SLC7A14: variants seen among roughly 807,000 people sequenced by gnomAD.
SLC7A14 encodes solute carrier family 7 member 14.
A neutral mutation model predicts 60.2 loss-of-function variants in SLC7A14; 37 were observed. The observed-to-expected ratio is 0.61, with a 90% CI of 0.47 to 0.81. The LOEUF is 0.81. SLC7A14 is among the 30% of genes least tolerant of loss of function. The pLI, the probability that SLC7A14 is intolerant of heterozygous loss-of-function variation, is 0.00. For missense variants in SLC7A14, 886 were observed against 982.7 expected (o/e 0.90, Z 1.32); for synonymous variants, 399 against 395.8 (o/e 1.01, Z -0.10).
chr3:170,572,519 C>A (rs2108315799), intron 1 of SLC7A14, among the ~76,000 whole-genome samples: 1 of 152,256 alleles, frequency 6.6e-6, no homozygotes, highest in African/African-American at 2.4e-5. Flanking sequence ...ATATTGGAAT[C>A]ATATGTGTAA....
intron 7 of SLC7A14, among the ~76,000 whole-genome samples, chr3:170,471,779 A>G (rs1739917757): frequency 6.6e-6 from 1 of 152,228 alleles, no homozygotes; most frequent in East Asian, 1.9e-4. Context: ...ACCAAGCCTC[A>G]AGAATAAGAT....
At chr3:170,558,282 C>A (rs941602741) in intron 1 of SLC7A14, among the ~76,000 whole-genome samples, 2 of 152,100 alleles carry the variant, frequency 1.3e-5, no homozygotes, top group Non-Finnish European at 2.9e-5. Flanking sequence ...ACAGGAGAAT[C>A]GCTTGAACCC....
chr3:170,579,040 C>G (rs902762465), intron 1 of SLC7A14, among the ~76,000 whole-genome samples: 11 of 152,300 alleles, frequency 7.2e-5, no homozygotes, highest in Admixed American at 5.2e-4. Context: ...AATCTGAAAT[C>G]CAAACACATA....
In SLC7A14 at chr3:170,463,762, C is replaced by T. The variant is rs1227074225; in HGVS notation, c.*3293G>A. ...TCTGCCATAGTACATAATAGGCACT[C>T]CACAAGTAATTGTTGAATAAATATT... On this transcript the variant is annotated 3_prime_UTR_variant, in exon 8 of 8. Transcript: ENST00000231706. 1.3e-5 allele frequency: 2 copies of T among 152,212 alleles called. No individual in the cohort carries two copies. The highest frequency in any genetic ancestry group is 4.8e-5 in the African/African-American group (2 of 41,458). 9.4% of individuals were successfully genotyped at this position (152,212 alleles called of 1,614,324 possible).
At chr3:170,551,912 T>A (rs1472767356) in intron 1 of SLC7A14, among the ~76,000 whole-genome samples, 2 of 152,218 alleles carry the variant, frequency 1.3e-5, no homozygotes, top group African/African-American at 2.4e-5. Flanking sequence ...TTTTTGGATT[T>A]GAAGTAGTCT....
chr3:170,581,299 C>A (rs1715226423), intron 1 of SLC7A14, among the ~76,000 whole-genome samples: 2 of 152,170 alleles, frequency 1.3e-5, no homozygotes, highest in South Asian at 4.1e-4. Context: ...CACCCCCTCA[C>A]ACTGAGGAAT....
chr3:170,459,916 CT>C lies in SLC7A14; in HGVS notation c.*7138del, dbSNP rs1373729674. On this transcript the variant is annotated 3_prime_UTR_variant, in exon 8 of 8. Coordinates refer to ENST00000231706, the MANE Select transcript of SLC7A14 (RefSeq NM_020949.3). Reference sequence around the variant, plus strand: ...TTAAATTTAAAGGCACACAATAAAGCTTTATGCATTTATTAAAATATACACA... The same window carrying C: ...TTAAATTTAAAGGCACACAATAAAGCTTATGCATTTATTAAAATATACACA... The C allele has an allele frequency of 2.0e-5, 3 of 152,098 alleles. No homozygotes were observed. Among genetic ancestry groups the C allele is most frequent in the Non-Finnish European group, 4.4e-5 (3 of 68,022 alleles). 9.4% of individuals were successfully genotyped at this position (152,098 alleles called of 1,614,324 possible). A position where few individuals can be genotyped will look rare whatever the true frequency, so the allele number is the denominator to read the frequency against.
chr3:170,480,151 G>A, intron 7 of SLC7A14, 138 bp downstream of exon 7: 1 of 784,154 alleles, frequency 1.3e-6, no homozygotes, highest in Admixed American at 3.2e-5. Flanking sequence ...TGACTCTTAG[G>A]CGGAACACAA....
intron 1 of SLC7A14, among the ~76,000 whole-genome samples, chr3:170,579,040 C>T (rs902762465): frequency 3.3e-5 from 5 of 152,182 alleles, no homozygotes; most frequent in Admixed American, 2.6e-4. Context: ...AATCTGAAAT[C>T]CAAACACATA....
chr3:170,552,938 A>G (rs1285878771), intron 1 of SLC7A14, among the ~76,000 whole-genome samples: 1 of 152,174 alleles, frequency 6.6e-6, no homozygotes, highest in East Asian at 1.9e-4. Flanking sequence ...GAGATTATTG[A>G]TCTCCACATG....
intron 5 of SLC7A14, among the ~76,000 whole-genome samples, chr3:170,484,255 C>T (rs530778350): frequency 5.3e-5 from 8 of 152,270 alleles, no homozygotes; most frequent in Admixed American, 2.6e-4. Context: ...GAGGGAGATG[C>T]GAGGGAGGAG....
At chr3:170,544,372 C>T (rs1292711581) in intron 1 of SLC7A14, among the ~76,000 whole-genome samples, 2 of 152,122 alleles carry the variant, frequency 1.3e-5, no homozygotes, top group African/African-American at 2.4e-5. Context: ...AAGAGAAGAG[C>T]CTCTTTTTGG....
Position 170,461,588 on chromosome 3 carries a change from A to T in SLC7A14, c.*5467T>A, listed in dbSNP as rs1739604487. On this transcript the variant is annotated 3_prime_UTR_variant, in exon 8 of 8. Transcript: ENST00000231706. ...CTACCCATCCCCATTCCCAGCGAGA[A>T]ATACTAAGTAAACTCCTTGGTGAAA... 1 of 152,266 alleles carries T rather than the reference A, an allele frequency of 6.6e-6. No homozygotes were observed. The highest frequency in any genetic ancestry group is 2.4e-5 in the African/African-American group (1 of 41,470). The allele number at this position is 152,266 out of a possible 1,614,324, so 9.4% of individuals were successfully genotyped here. A position where few individuals can be genotyped will look rare whatever the true frequency, so the allele number is the denominator to read the frequency against.
chr3:170,547,282 C>T (rs1714208755), intron 1 of SLC7A14, among the ~76,000 whole-genome samples: 1 of 152,048 alleles, frequency 6.6e-6, no homozygotes, highest in Admixed American at 6.5e-5. Context: ...CTCCTATAAA[C>T]AAAAAATATA....
intron 2 of SLC7A14, among the ~76,000 whole-genome samples, chr3:170,512,654 A>AT (rs71176570): frequency 0.076 from 4,762 of 62,720 alleles, 1,168 homozygotes; most frequent in Non-Finnish European, 0.095. Flanking sequence ...TACAATTTGC[A>AT]TTTTTTTTTT....
chr3:170,538,813 C>T (rs968620212), intron 1 of SLC7A14, among the ~76,000 whole-genome samples: 19 of 152,354 alleles, frequency 1.2e-4, no homozygotes, highest in Admixed American at 9.1e-4. Flanking sequence ...GAAGTCTCCC[C>T]ACTGACCATA....
intron 2 of SLC7A14, among the ~76,000 whole-genome samples, chr3:170,517,652 G>A (rs374851807): frequency 4.9e-4 from 75 of 152,310 alleles, no homozygotes; most frequent in African/African-American, 1.5e-3. Flanking sequence ...CTGGAATGGG[G>A]AGCCTATGTT....
rs1356412524 is a variant in SLC7A14 at position 170,462,938 on chromosome 3, T to A, written c.*4117A>T. 6.6e-6 allele frequency: 1 copy of A among 152,218 alleles called. No individual in the cohort carries two copies. Among genetic ancestry groups the A allele is most frequent in the Non-Finnish European group, 1.5e-5 (1 of 68,038 alleles). 9.4% of individuals were successfully genotyped at this position (152,218 alleles called of 1,614,324 possible). Reference sequence around the variant, plus strand: ...ATGAATGCAGACACAGGACTCAAAGTACAGCTATTTTTCTCTTTAATTTGT... The same window carrying A: ...ATGAATGCAGACACAGGACTCAAAGAACAGCTATTTTTCTCTTTAATTTGT... On this transcript the variant is annotated 3_prime_UTR_variant, in exon 8 of 8. Coordinates refer to ENST00000231706, the MANE Select transcript of SLC7A14 (RefSeq NM_020949.3).
chr3:170,557,125 T>C (rs1186831323), intron 1 of SLC7A14, among the ~76,000 whole-genome samples: 2 of 152,198 alleles, frequency 1.3e-5, no homozygotes, highest in Non-Finnish European at 2.9e-5. Flanking sequence ...ACAGTTCTCC[T>C]ACTGAGTGTA....
Sources: allele counts gnomAD v4.1 joint callset (sites outside exome capture counted in the v4.1 genomes callset), GRCh38; gene constraint gnomAD v4.1.1; transcripts MANE v1.5; gene names NCBI Gene and HGNC (gene_info 2026-07-23, HGNC 2026-07-21).